The following SCMH1 variants were observed in gnomAD, a reference collection of about 807,000 sequenced individuals.
The protein encoded by SCMH1 is Scm polycomb group protein homolog 1.
A neutral mutation model predicts 70.8 loss-of-function variants in SCMH1; 37 were observed. The ratio of observed to expected loss-of-function variants is 0.52; its 90% CI spans 0.40 to 0.69. The LOEUF is 0.69. SCMH1 is among the 30% of genes least tolerant of loss of function. The pLI is 0.00. For missense variants in SCMH1, 607 were observed against 827.3 expected (o/e 0.73, Z 3.27); for synonymous variants, 292 against 307.4 (o/e 0.95, Z 0.52).
intron 4 of SCMH1, chr1:41,152,724 T>C (rs766219902): frequency 3.1e-6 from 5 of 1,608,212 alleles, no homozygotes; most frequent in Non-Finnish European, 4.2e-6. Context: ...CTTTGGGCCA[T>C]GCAAAAAGCA....
At chr1:41,092,426 G>A (rs1663844982) in intron 8 of SCMH1, among the ~76,000 whole-genome samples, 1 of 152,292 alleles carries the variant, frequency 6.6e-6, no homozygotes, top group South Asian at 2.1e-4. Context: ...AATCCTAGGA[G>A]AAAACCTAGG....
chr1:41,140,125 G>C (rs933134682), intron 6 of SCMH1, among the ~76,000 whole-genome samples: 3 of 152,126 alleles, frequency 2.0e-5, no homozygotes, highest in African/African-American at 7.2e-5. Context: ...ACTGTTAGAT[G>C]AGTGATACGG....
chr1:41,141,643 C>T (rs1374006981), intron 6 of SCMH1, among the ~76,000 whole-genome samples: 1 of 152,014 alleles, frequency 6.6e-6, no homozygotes, highest in Non-Finnish European at 1.5e-5. Flanking sequence ...ATACAATCAA[C>T]AAAATATAAT....
intron 8 of SCMH1, among the ~76,000 whole-genome samples, chr1:41,088,049 G>A (rs897521459): frequency 6.6e-6 from 1 of 151,052 alleles, no homozygotes; most frequent in African/African-American, 2.4e-5. Flanking sequence ...CATACACAAT[G>A]GAGTAGTCTA....
intron 1 of SCMH1, among the ~76,000 whole-genome samples, chr1:41,188,380 C>T (rs1439696191): frequency 6.6e-6 from 1 of 152,170 alleles, no homozygotes; most frequent in Non-Finnish European, 1.5e-5. Context: ...CTGCCAGCCT[C>T]AGCCTCTCAA....
At chr1:41,093,853 T>G (rs1664344326) in intron 8 of SCMH1, among the ~76,000 whole-genome samples, 1 of 152,250 alleles carries the variant, frequency 6.6e-6, no homozygotes, top group Admixed American at 6.5e-5. Context: ...AATTTTCATT[T>G]GAAAGCTTGA....
At chr1:41,209,971 T>A (rs1656597783) in intron 1 of SCMH1, among the ~76,000 whole-genome samples, 1 of 152,220 alleles carries the variant, frequency 6.6e-6, no homozygotes, top group Non-Finnish European at 1.5e-5. Flanking sequence ...CCCCATCGTC[T>A]CAGCCCAAAG....
chr1:41,154,254 A>G (rs1295958212), intron 4 of SCMH1, among the ~76,000 whole-genome samples: 1 of 152,202 alleles, frequency 6.6e-6, no homozygotes, highest in East Asian at 1.9e-4. Context: ...GCCTGAGAAT[A>G]TGTATTTTCC....
intron 10 of SCMH1, among the ~76,000 whole-genome samples, chr1:41,051,382 A>G (rs1438595289): frequency 1.3e-5 from 2 of 152,240 alleles, no homozygotes; most frequent in Non-Finnish European, 2.9e-5. Context: ...TATACTTCTT[A>G]TCATTATTGT....
intron 1 of SCMH1, among the ~76,000 whole-genome samples, chr1:41,217,330 G>C (rs1217385148): frequency 2.0e-5 from 3 of 152,188 alleles, no homozygotes; most frequent in Non-Finnish European, 4.4e-5. Flanking sequence ...GCAAAGTGTG[G>C]AAGTATGGCC....
At chr1:41,032,634 C>G (rs1223336197) in intron 13 of SCMH1, among the ~76,000 whole-genome samples, 1 of 152,082 alleles carries the variant, frequency 6.6e-6, no homozygotes, top group Non-Finnish European at 1.5e-5. Flanking sequence ...GGATCACTCT[C>G]ATTGTCTATG....
chr1:41,036,833 C>T (rs186134788), intron 13 of SCMH1, among the ~76,000 whole-genome samples: 3 of 152,292 alleles, frequency 2.0e-5, no homozygotes, highest in Admixed American at 2.0e-4. Context: ...AGCTCTCCCT[C>T]CTCTACCAGC....
chr1:41,079,494 C>T (rs1659348360), intron 8 of SCMH1, among the ~76,000 whole-genome samples: 1 of 152,104 alleles, frequency 6.6e-6, no homozygotes, highest in South Asian at 2.1e-4. Flanking sequence ...AAACTAATAA[C>T]ATGAATAACC....
At chr1:41,147,211 G>C (rs1170321244) in intron 5 of SCMH1, among the ~76,000 whole-genome samples, 2 of 151,930 alleles carry the variant, frequency 1.3e-5, no homozygotes, top group Non-Finnish European at 2.9e-5. Context: ...CATTTTCCTT[G>C]GTGTTTGTTC....
At chr1:41,135,968 G>A (rs1643245608) in intron 6 of SCMH1, among the ~76,000 whole-genome samples, 3 of 148,974 alleles carry the variant, frequency 2.0e-5, no homozygotes, top group African/African-American at 7.4e-5. Flanking sequence ...TTTTGAGACA[G>A]GATCTCACTC....
At position 41,075,171 on chromosome 1, in the gene SCMH1, C is replaced by T. The variant is rs1450840389; in HGVS notation, c.978+48G>A. 3.2e-6 allele frequency: 5 copies of T among 1,581,518 alleles called. No individual in the cohort carries two copies. In the South Asian group the frequency reaches 3.3e-5, roughly 11 times the overall value. On this transcript the variant is annotated intron_variant, in intron 9 of 14. Transcript: ENST00000337495. The stretch of plus-strand genomic sequence containing the variant: ...GAGCCACGGCGCCTGGCCGAATGAC[C>T]CCTTTATAAACCCTTATTCCTTTCT...
rs531903654 is a variant in SCMH1 at position 41,135,869 on chromosome 1, T to C, written c.412+7009A>G. ...ACTAAGACTATCTGCTCCTTAAGGTTTGGTAATTTCCCTGTGACATAATCT... is the reference window on the plus strand; with the variant it reads ...ACTAAGACTATCTGCTCCTTAAGGTCTGGTAATTTCCCTGTGACATAATCT... On this transcript the variant is annotated intron_variant, in intron 6 of 14. Coordinates refer to ENST00000337495, the Ensembl canonical transcript of SCMH1. Among the ~76,000 whole-genome samples, 4 of 152,274 alleles carry C rather than the reference T, an allele frequency of 2.6e-5. No individual in the cohort carries two copies. In the East Asian group the frequency reaches 7.7e-4, roughly 29 times the overall value.
At chr1:41,070,520 CTGGTG>C in intron 10 of SCMH1, 70 bp downstream of exon 10, 2 of 1,548,062 alleles carry the variant, frequency 1.3e-6, no homozygotes. Flanking sequence ...GTGCTAATTA[CTGGTG>C]TAAGACAAAA....
intron 10 of SCMH1, among the ~76,000 whole-genome samples, chr1:41,063,376 G>A (rs1289054509): frequency 6.6e-6 from 1 of 152,014 alleles, no homozygotes; most frequent in African/African-American, 2.4e-5. Flanking sequence ...AGGAGGCTGA[G>A]GCAGGAGAAT....
Sources: allele counts gnomAD v4.1 joint callset (sites outside exome capture counted in the v4.1 genomes callset), GRCh38; gene constraint gnomAD v4.1.1; transcripts MANE v1.5; gene names NCBI Gene and HGNC (gene_info 2026-07-23, HGNC 2026-07-21).